Variants in SOX6 observed in about 807,000 individuals in gnomAD.
SOX6 encodes the protein SRY-box transcription factor 6.
Under a neutral mutation model 97.8 loss-of-function variants are expected in SOX6, and 11 were observed. That is an observed-to-expected ratio of 0.11 (90% CI 0.07 to 0.19). The LOEUF (loss-of-function observed/expected upper bound fraction) is 0.19. Ranked by LOEUF, SOX6 falls within the 10% of genes least tolerant of loss-of-function variation. The probability of loss-of-function intolerance (pLI) is 1.00; values close to 1 mark genes in which losing one functional copy is unlikely to be tolerated. For synonymous variants in SOX6, 360 were observed against 371.4 expected (o/e 0.97, Z 0.35); for missense variants, 810 against 1,039.5 (o/e 0.78, Z 3.04).
At chr11:16,260,696 C>G (rs1384712368) in intron 3 of SOX6, among the ~76,000 whole-genome samples, 2 of 152,184 alleles carry the variant, frequency 1.3e-5, no homozygotes, top group Non-Finnish European at 2.9e-5. Flanking sequence ...AGACAAGTAG[C>G]TGGGGAATTA....
At chr11:16,155,051 G>GA (rs34170019) in intron 6 of SOX6, among the ~76,000 whole-genome samples, 14,250 of 142,972 alleles carry the variant, frequency 0.1, 1,330 homozygotes, top group East Asian at 0.37. Flanking sequence ...CTGATTGTCA[G>GA]AAAAAAAAAA....
chr11:16,027,317 A>C (rs1403288614), intron 12 of SOX6, among the ~76,000 whole-genome samples: 5 of 152,194 alleles, frequency 3.3e-5, no homozygotes, highest in Admixed American at 6.5e-5. Flanking sequence ...GGGATGGAGA[A>C]GTATATATTA....
At chr11:16,037,788 C>T (rs1356350308) in intron 12 of SOX6, among the ~76,000 whole-genome samples, 1 of 152,166 alleles carries the variant, frequency 6.6e-6, no homozygotes, top group African/African-American at 2.4e-5. Flanking sequence ...TCATATTCTT[C>T]TTAAAATGTA....
intron 1 of SOX6, among the ~76,000 whole-genome samples, chr11:16,406,533 T>C (rs1222479867): frequency 2.6e-5 from 4 of 152,050 alleles, no homozygotes; most frequent in Non-Finnish European, 5.9e-5. Context: ...TCTTCTATAG[T>C]GACAGAAAAC....
At chr11:16,292,804 T>G (rs890012161) in intron 3 of SOX6, among the ~76,000 whole-genome samples, 2 of 152,156 alleles carry the variant, frequency 1.3e-5, no homozygotes, top group African/African-American at 2.4e-5. Context: ...TCTGAAGAAC[T>G]TGGTAACTGG....
At chr11:16,183,419 G>A (rs572727351) in intron 6 of SOX6, among the ~76,000 whole-genome samples, 2 of 152,048 alleles carry the variant, frequency 1.3e-5, no homozygotes, top group African/African-American at 4.8e-5. Flanking sequence ...TTAGCATCTA[G>A]AAGGAATACA....
At chr11:16,549,971 A>G (rs750400951) in intron 4 of SOX6, among the ~76,000 whole-genome samples, 6 of 152,194 alleles carry the variant, frequency 3.9e-5, no homozygotes, top group Non-Finnish European at 8.8e-5. Context: ...GGGCATGGAA[A>G]GCCTTTGGAG....
Position 16,673,633 on chromosome 11 carries a change from G to A in SOX6, n.429+41197C>T, listed in dbSNP as rs185734436. Among the ~76,000 whole-genome samples, 10 of 152,238 alleles carry A rather than the reference G, an allele frequency of 6.6e-5. No homozygotes were observed. In the East Asian group the frequency reaches 1.7e-3, roughly 26 times the overall value. ...AAGTATCCAAGTAAAGGAAAGCCCA[G>A]AACCTGATGGCTTCACTGCTGAATT... is the stretch of plus-strand genomic sequence containing the variant. On this transcript the variant is annotated intron_variant and non_coding_transcript_variant, in intron 3 of 5. Coordinates refer to the SOX6 transcript ENST00000524520.
At chr11:16,009,017 G>A (rs12576205) in intron 13 of SOX6, among the ~76,000 whole-genome samples, 13,682 of 151,916 alleles carry the variant, frequency 0.09, 1,276 homozygotes, top group East Asian at 0.36. Context: ...ATGCCTGGAC[G>A]CCATTTTGGG....
chr11:16,375,097 TA>T (rs142702754), intron 1 of SOX6, among the ~76,000 whole-genome samples: 6,854 of 151,932 alleles, frequency 0.045, 489 homozygotes, highest in African/African-American at 0.15. Context: ...AGGTGTTATA[TA>T]AAAAAATAGG....
intron 3 of SOX6, among the ~76,000 whole-genome samples, chr11:16,697,725 T>G (rs1006817582): frequency 6.6e-6 from 1 of 152,222 alleles, no homozygotes; most frequent in Admixed American, 6.5e-5. Context: ...GAAGCTGAAA[T>G]TACTCCTTGG....
chr11:16,581,257 TA>T (rs1414939916), intron 4 of SOX6, among the ~76,000 whole-genome samples: 2 of 152,118 alleles, frequency 1.3e-5, no homozygotes, highest in African/African-American at 4.8e-5. Flanking sequence ...CATGGAATAC[TA>T]TGCAGCCATA....
intron 1 of SOX6, among the ~76,000 whole-genome samples, chr11:16,343,981 G>C (rs1240185743): frequency 6.6e-6 from 1 of 151,856 alleles, no homozygotes; most frequent in African/African-American, 2.4e-5. Flanking sequence ...AGGAGACAGG[G>C]GAGGTAGGAC....
intron 4 of SOX6, among the ~76,000 whole-genome samples, chr11:16,523,112 A>G (rs566932987): frequency 4.6e-4 from 70 of 152,338 alleles, no homozygotes; most frequent in African/African-American, 1.7e-3. Flanking sequence ...AATTGAACTC[A>G]GCTCTGCACC....
chr11:16,022,651 G>C (rs1855102962), intron 12 of SOX6, among the ~76,000 whole-genome samples: 1 of 152,080 alleles, frequency 6.6e-6, no homozygotes, highest in Non-Finnish European at 1.5e-5. Context: ...GACCTCAGGT[G>C]ATCTGCCTGC....
intron 3 of SOX6, among the ~76,000 whole-genome samples, chr11:16,682,617 C>T (rs890228282): frequency 6.6e-6 from 1 of 152,234 alleles, no homozygotes; most frequent in Non-Finnish European, 1.5e-5. Context: ...TATGACAAAC[C>T]CACAGCCAAC....
intron 3 of SOX6, chr11:16,316,771 A>T (rs959422857): frequency 9.2e-5 from 14 of 152,092 alleles, no homozygotes; most frequent in Non-Finnish European, 1.8e-4. Context: ...TAATCTAGTG[A>T]TCTTACTTAT....
intron 2 of SOX6, among the ~76,000 whole-genome samples, chr11:16,323,338 C>T (rs1406670637): frequency 2.0e-5 from 3 of 152,016 alleles, no homozygotes; most frequent in Non-Finnish European, 4.4e-5. Flanking sequence ...AGATGTTTTC[C>T]AGTATTTGAA....
intron 1 of SOX6, among the ~76,000 whole-genome samples, chr11:16,460,976 A>G (rs146508080): frequency 5.4e-4 from 82 of 152,274 alleles, no homozygotes; most frequent in African/African-American, 1.6e-3. Context: ...CAAGGCAATT[A>G]TATTTTCAAG....
Sources: gnomAD v4.1 joint callset for allele counts (sites outside exome capture counted in the v4.1 genomes callset) on GRCh38, gnomAD v4.1.1 for gene constraint, MANE v1.5 for transcripts, NCBI Gene and HGNC (gene_info 2026-07-23, HGNC 2026-07-21) for gene names.